C8orf88: variants seen among roughly 807,000 people sequenced by gnomAD.
C8orf88 encodes the protein chromosome 8 open reading frame 88.
C8orf88 carries 14 observed loss-of-function variants against 18.4 expected under a neutral mutation model. The observed-to-expected ratio is 0.76, with a 90% CI of 0.50 to 1.19. C8orf88 has a LOEUF of 1.19. Ranked by LOEUF, C8orf88 falls within the 50% of genes most tolerant of loss-of-function variation. C8orf88 has a pLI of 0.00. For missense variants in C8orf88, 116 were observed against 134.7 expected (o/e 0.86, Z 0.69); for synonymous variants, 45 against 42.9 (o/e 1.05, Z -0.19).
At chr8:90,979,256 GA>G (rs1251708973) in intron 2 of C8orf88, among the ~76,000 whole-genome samples, 1 of 152,170 alleles carries the variant, frequency 6.6e-6, no homozygotes, top group Non-Finnish European at 1.5e-5. Flanking sequence ...ACCTTGGAGA[GA>G]AATCAGTGAA....
At position 90,958,820 on chromosome 8, in the gene C8orf88, T is replaced by C; in HGVS notation, c.*187A>G. ...TTCCCAATTTATGCAGGAAACCTCCTGCAAAGCTGAAACTGATTAGAAAAT... is the reference window on the plus strand; with the variant it reads ...TTCCCAATTTATGCAGGAAACCTCCCGCAAAGCTGAAACTGATTAGAAAAT... On this transcript the variant is annotated 3_prime_UTR_variant, in exon 6 of 6. Coordinates refer to ENST00000517562, the MANE Select transcript of C8orf88 (RefSeq NM_001190972.2). 1 of 445,616 alleles carries C rather than the reference T, an allele frequency of 2.2e-6. No homozygotes were observed. The highest frequency in any genetic ancestry group is 2.1e-5 in the African/African-American group (1 of 46,944). The allele number at this position is 445,616 out of a possible 1,614,324, so 27.6% of individuals were successfully genotyped here.
At chr8:90,978,114 T>C (rs886559779) in intron 3 of C8orf88, among the ~76,000 whole-genome samples, 1 of 152,230 alleles carries the variant, frequency 6.6e-6, no homozygotes, top group African/African-American at 2.4e-5. Flanking sequence ...ATAAATGTCA[T>C]TTTGTATATT....
In C8orf88 at chr8:90,964,024, T is replaced by G. The variant is rs1025509148; in HGVS notation, c.224-3176A>C. ...CAACTTATGATGGTTTGACTTACAA[T>G]TGTTTGACTTTATGATGATGTGAAA... On this transcript the variant is annotated intron_variant, in intron 4 of 5. Coordinates refer to ENST00000517562, the MANE Select transcript of C8orf88 (RefSeq NM_001190972.2). Among the ~76,000 whole-genome samples, 3 of 151,828 alleles carry G rather than the reference T, an allele frequency of 2.0e-5. No individual in the cohort carries two copies. The South Asian group carries it at 6.2e-4, about 31-fold the overall frequency.
chr8:90,965,602 G>A (rs993127121), intron 4 of C8orf88, among the ~76,000 whole-genome samples: 1 of 151,742 alleles, frequency 6.6e-6, no homozygotes, highest in African/African-American at 2.4e-5. Flanking sequence ...CCACACACAT[G>A]GAACATTCTC....
intron 4 of C8orf88, 40 bp from the exon 5 acceptor site, chr8:90,960,888 A>T: frequency 8.5e-7 from 1 of 1,174,970 alleles, no homozygotes; most frequent in Non-Finnish European, 1.2e-6. Context: ...TAGGAAATGT[A>T]GGGCTGTCTA....
chr8:90,981,726 T>C (rs1414399970), intron 1 of C8orf88, among the ~76,000 whole-genome samples: 2 of 152,114 alleles, frequency 1.3e-5, no homozygotes, highest in African/African-American at 4.8e-5. Flanking sequence ...ATCTGCAACA[T>C]AGATTTATTA....
chr8:90,970,923 C>T (rs1811272131), intron 4 of C8orf88, 143 bp downstream of exon 4: 4 of 475,722 alleles, frequency 8.4e-6, no homozygotes, highest in Non-Finnish European at 1.4e-5. Flanking sequence ...AAAGTGGTAG[C>T]CTGACTCATA....
intron 1 of C8orf88, 45 bp from the exon 2 acceptor site, chr8:90,980,506 C>G (rs1261031643): frequency 2.4e-6 from 2 of 849,496 alleles, no homozygotes; most frequent in Non-Finnish European, 3.6e-6. Context: ...ACAAAATAAT[C>G]AAGATGCTTT....
chr8:90,977,347 A>T (rs1372660044), intron 3 of C8orf88, among the ~76,000 whole-genome samples: 3 of 152,250 alleles, frequency 2.0e-5, no homozygotes, highest in Non-Finnish European at 4.4e-5. Context: ...GTAATTTGGC[A>T]GTATCAAAAA....
intron 1 of C8orf88, among the ~76,000 whole-genome samples, chr8:90,982,315 A>C (rs1563556476): frequency 6.6e-6 from 1 of 152,130 alleles, no homozygotes; most frequent in Non-Finnish European, 1.5e-5. Flanking sequence ...TAAAATAAGG[A>C]CCAAAAAGCA....
chr8:90,982,620 A>T (rs1347000610), intron 1 of C8orf88, among the ~76,000 whole-genome samples: 2 of 152,178 alleles, frequency 1.3e-5, no homozygotes, highest in Non-Finnish European at 2.9e-5. Context: ...CAACACAAGT[A>T]AATAAACAAA....
At chr8:90,976,760 T>C (rs1299631810) in intron 3 of C8orf88, among the ~76,000 whole-genome samples, 1 of 152,076 alleles carries the variant, frequency 6.6e-6, no homozygotes, top group Non-Finnish European at 1.5e-5. Flanking sequence ...CAGTTGCTTA[T>C]AGGAGAAAAA....
intron 4 of C8orf88, 21 bp downstream of exon 4, chr8:90,971,045 G>T (rs1811274253): frequency 7.0e-7 from 1 of 1,422,016 alleles, no homozygotes; most frequent in Non-Finnish European, 9.4e-7. Context: ...GATAAAATTG[G>T]GAATTATGAT....
At chr8:90,971,755 CTGA>C (rs1010813732) in intron 3 of C8orf88, among the ~76,000 whole-genome samples, 13 of 115,344 alleles carry the variant, frequency 1.1e-4, no homozygotes, top group African/African-American at 2.9e-4. Context: ...CTAAGCTAAT[CTGA>C]TGATATTTTA....
chr8:90,983,744 A>G (rs1485883372), intron 1 of C8orf88, among the ~76,000 whole-genome samples: 1 of 152,160 alleles, frequency 6.6e-6, no homozygotes, highest in Non-Finnish European at 1.5e-5. Context: ...GCTCAGAAAA[A>G]TAAGAGACAT....
intron 4 of C8orf88, among the ~76,000 whole-genome samples, chr8:90,963,898 T>C (rs1299106665): frequency 6.6e-6 from 1 of 151,416 alleles, no homozygotes; most frequent in African/African-American, 2.4e-5. Flanking sequence ...GAAATGATAT[T>C]TGAAGAAATC....
At chr8:90,974,531 T>G (rs1177172407) in intron 3 of C8orf88, among the ~76,000 whole-genome samples, 1 of 152,134 alleles carries the variant, frequency 6.6e-6, no homozygotes, top group Non-Finnish European at 1.5e-5. Context: ...TAAAGTGAGA[T>G]AGGGCCAGCT....
At chr8:90,977,788 A>C (rs1377883502) in intron 3 of C8orf88, among the ~76,000 whole-genome samples, 1 of 149,710 alleles carries the variant, frequency 6.7e-6, no homozygotes, top group Non-Finnish European at 1.5e-5. Flanking sequence ...CTAAAAATAC[A>C]AAAAAAAAAT....
intron 4 of C8orf88, among the ~76,000 whole-genome samples, chr8:90,963,195 G>GTCAAA (rs1366078988): frequency 5.9e-5 from 9 of 151,628 alleles, no homozygotes; most frequent in African/African-American, 2.2e-4. Flanking sequence ...AGGCAATTAT[G>GTCAAA]TCAAATCACC....
Sources: allele counts gnomAD v4.1 joint callset (sites outside exome capture counted in the v4.1 genomes callset), GRCh38; gene constraint gnomAD v4.1.1; transcripts MANE v1.5; gene names NCBI Gene and HGNC (gene_info 2026-07-23, HGNC 2026-07-21).